TBL1X: variants seen among roughly 807,000 people sequenced by gnomAD.
The protein encoded by TBL1X is F-box-like/WD repeat-containing protein TBL1X.
A neutral mutation model predicts 50.7 loss-of-function variants in TBL1X; 10 were observed. The observed-to-expected ratio is 0.20, with a 90% CI of 0.12 to 0.33. The LOEUF (loss-of-function observed/expected upper bound fraction) is 0.33. TBL1X is among the 10% of genes least tolerant of loss of function. TBL1X has a pLI of 1.00. For synonymous variants in TBL1X, 190 were observed against 214.7 expected (o/e 0.88, Z 1.01); for missense variants, 340 against 504.4 (o/e 0.67, Z 3.12).
intron 17 of TBL1X, 24 bp from the exon 18 acceptor site, chrX:9,716,196 C>T: frequency 8.3e-7 from 1 of 1,209,150 alleles, no homozygotes; most frequent in Non-Finnish European, 1.1e-6. Flanking sequence ...CTCAAGATGA[C>T]AGGTGCTTTA....
chrX:9,628,384 C>G (rs911111287), intron 2 of TBL1X, among the ~76,000 whole-genome samples: 2 of 111,284 alleles, frequency 1.8e-5, no homozygotes, highest in Non-Finnish European at 3.8e-5. Flanking sequence ...GGCAAAATCA[C>G]GCCTGCTTGA....
At chrX:9,526,648 A>G (rs979592088) in intron 2 of TBL1X, among the ~76,000 whole-genome samples, 3 of 112,132 alleles carry the variant, frequency 2.7e-5, no homozygotes, top group African/African-American at 6.5e-5. Context: ...CTTGGCAACT[A>G]TTCACCTCTG....
At chrX:9,514,942 G>C (rs746972498) in intron 2 of TBL1X, among the ~76,000 whole-genome samples, 54 of 112,198 alleles carry the variant, frequency 4.8e-4, no homozygotes, top group African/African-American at 1.7e-3. Flanking sequence ...GGAGCTCCTT[G>C]ACTTTCTTGG....
At chrX:9,519,570 C>A (rs1188918818) in intron 2 of TBL1X, among the ~76,000 whole-genome samples, 1 of 112,149 alleles carries the variant, frequency 8.9e-6, no homozygotes, top group Admixed American at 9.5e-5. Context: ...GGGCTGTATC[C>A]CATTTTTAAT....
At chrX:9,675,803 A>C (rs1363777022) in intron 5 of TBL1X, among the ~76,000 whole-genome samples, 1 of 108,632 alleles carries the variant, frequency 9.2e-6, no homozygotes, top group African/African-American at 3.4e-5. Context: ...AGGCAGGAGA[A>C]TCGCTTGAAC....
At chrX:9,546,558 G>A (rs2082243382) in intron 2 of TBL1X, among the ~76,000 whole-genome samples, 2 of 111,005 alleles carry the variant, frequency 1.8e-5, no homozygotes, top group African/African-American at 6.5e-5. Context: ...ACTCCACCAA[G>A]TCTGTTTACT....
chrX:9,558,791 C>CT (rs1330158445), intron 2 of TBL1X, among the ~76,000 whole-genome samples: 1 of 111,497 alleles, frequency 9.0e-6, no homozygotes, highest in Non-Finnish European at 1.9e-5. Flanking sequence ...AGCTGGGACT[C>CT]TGAGAGCTCT....
chrX:9,545,216 A>G (rs1336562271), intron 2 of TBL1X, among the ~76,000 whole-genome samples: 1 of 109,813 alleles, frequency 9.1e-6, no homozygotes, highest in Non-Finnish European at 1.9e-5. Flanking sequence ...CATGCTGGCC[A>G]GGCTGGTCCC....
chrX:9,711,359 T>A lies in TBL1X; in HGVS notation c.1440-252T>A, dbSNP rs768752084. ...CCCATCTCAAAAAAAAAAAAAAAGG[T>A]GCAGAAACAAATGTAGATATCAAAT... On this transcript the variant is annotated intron_variant, in intron 15 of 17. Transcript: ENST00000645353. Among the ~76,000 whole-genome samples the A allele has an allele frequency of 4.4e-3, 467 of 107,144 alleles. 2 individuals carry two copies. The highest frequency in any genetic ancestry group is 6.8e-3 in the Non-Finnish European group (352 of 51,953). The allele number at this position is 107,144 out of a possible 115,157, so 93.0% of individuals were successfully genotyped here.
rs150974585 is a variant in TBL1X, at chrX:9,622,623, T to C, written c.-130-17650T>C. Among the ~76,000 whole-genome samples the C allele has an allele frequency of 4.3e-3, 473 of 111,220 alleles. 4 individuals carry two copies. Among genetic ancestry groups the C allele is most frequent in the African/African-American group, 0.015 (452 of 30,541 alleles). ...GGTGCGCGCCACCACACCCTGCTAA[T>C]TTTTTTGTGTTTTTTGTTTGCTTGT... On this transcript the variant is annotated intron_variant, in intron 2 of 17. Transcript: ENST00000645353.
At chrX:9,589,723 A>G (rs914713334) in intron 2 of TBL1X, among the ~76,000 whole-genome samples, 1 of 111,715 alleles carries the variant, frequency 9.0e-6, no homozygotes, top group African/African-American at 3.3e-5. Context: ...AACTATTTAA[A>G]TTATACACTG....
chrX:9,511,915 C>T (rs751769012), intron 2 of TBL1X, among the ~76,000 whole-genome samples: 12 of 111,417 alleles, frequency 1.1e-4, no homozygotes, highest in East Asian at 2.8e-4. Context: ...GGTTGGCGTG[C>T]GGTGGCGCGA....
At chrX:9,660,913 G>C (rs984267706) in intron 5 of TBL1X, among the ~76,000 whole-genome samples, 4 of 112,440 alleles carry the variant, frequency 3.6e-5, no homozygotes, top group African/African-American at 1.3e-4. Flanking sequence ...GTATTTGGGG[G>C]TGGGGCCTTT....
chrX:9,486,601 C>T (rs191274667), intron 1 of TBL1X, among the ~76,000 whole-genome samples: 1,251 of 96,262 alleles, frequency 0.013, 24 homozygotes, highest in African/African-American at 0.051. Context: ...CCCCCCCCCA[C>T]GCCCCCGCCG....
chrX:9,509,808 T>C (rs997789968), intron 2 of TBL1X, among the ~76,000 whole-genome samples: 3 of 110,734 alleles, frequency 2.7e-5, no homozygotes, highest in African/African-American at 9.9e-5. Flanking sequence ...TAGTGGATGA[T>C]TTTTTGCTGT....
At position 9,543,945 on chromosome X, in the gene TBL1X, G is replaced by A. The variant is rs776857891; in HGVS notation, c.-131+42096G>A. 2.7e-5 allele frequency among the ~76,000 whole-genome samples: 3 copies of A among 110,934 alleles called. No homozygotes were observed. The East Asian group carries it at 8.5e-4, about 31-fold the overall frequency. ...TGTCACTGAGGCTTAAACTCATTAT[G>A]TTTTAAAGGGATAATCTGCTATTCT... On this transcript the variant is annotated intron_variant, in intron 2 of 17. Transcript: ENST00000645353.
At chrX:9,586,231 G>A (rs967407725) in intron 2 of TBL1X, among the ~76,000 whole-genome samples, 3 of 112,392 alleles carry the variant, frequency 2.7e-5, no homozygotes, top group African/African-American at 6.5e-5. Context: ...CCAAGAGGTG[G>A]AAACAGCCCA....
chrX:9,608,279 C>T (rs2082594261), intron 2 of TBL1X, among the ~76,000 whole-genome samples: 2 of 111,820 alleles, frequency 1.8e-5, no homozygotes, highest in African/African-American at 6.5e-5. Flanking sequence ...GGGTTTAGGT[C>T]ATGGGTGTTG....
intron 2 of TBL1X, among the ~76,000 whole-genome samples, chrX:9,595,725 G>A (rs891142675): frequency 3.6e-5 from 4 of 111,793 alleles, no homozygotes; most frequent in Non-Finnish European, 7.5e-5. Context: ...CTTATTATTA[G>A]GACAAACCAG....
Sources: gnomAD v4.1 joint callset for allele counts (sites outside exome capture counted in the v4.1 genomes callset) on GRCh38, gnomAD v4.1.1 for gene constraint, MANE v1.5 for transcripts, NCBI Gene and HGNC (gene_info 2026-07-23, HGNC 2026-07-21) for gene names.